The following OR1A1 variants were observed in gnomAD, a reference collection of about 807,000 sequenced individuals.
The protein encoded by OR1A1 is olfactory receptor 1A1.
For synonymous variants in OR1A1, 145 were observed against 147.8 expected, an observed-to-expected ratio of 0.98 and a Z score of 0.13; for missense variants, 391 against 379.9, an observed-to-expected ratio of 1.03 and a Z score of -0.24.
Position 3,208,588 on chromosome 17 carries a change from C to T in OR1A1, c.-549C>T, listed in dbSNP as rs9907868. ...CCTCCTCTGTCCCTGCAGAATTGTTCTCAGCACCACCCCATTCACATGGCT... is the reference window on the plus strand; with the variant it reads ...CCTCCTCTGTCCCTGCAGAATTGTTTTCAGCACCACCCCATTCACATGGCT... On this transcript the variant is annotated 5_prime_UTR_variant, in exon 2 of 4. Transcript: ENST00000641732. 75,503 of 151,916 alleles carry T rather than the reference C, an allele frequency of 0.5. 19,245 individuals are homozygous for T. The highest frequency in any genetic ancestry group is 0.55 in the Middle Eastern group (163 of 294). The allele number at this position is 151,916 out of a possible 1,614,324, so 9.4% of individuals were successfully genotyped here. A position where few individuals can be genotyped will look rare whatever the true frequency, so the allele number is the denominator to read the frequency against.
Position 3,215,949 on chromosome 17 carries a change from C to G in OR1A1, c.329C>G (p.Thr110Arg). The change falls in exon 4 of 4, where the codon ACA becomes AGA. Residue 110 changes from threonine (T) to arginine (R), a missense_variant. By Grantham distance (71) the Thr-to-Arg change is moderately conservative (BLOSUM62 -1). Coordinates refer to ENST00000641732, the MANE Select transcript of OR1A1 (RefSeq NM_014565.3). ...TATTTCATGATAGCCTTGGGTAACA[C>G]AGACAGCTATATTTTGGCTGCAATG... Reference protein sequence around the residue: ...QMYFMIALGNTDSYILAAMAY... With the variant: ...QMYFMIALGNRDSYILAAMAY... 1 of 1,614,186 alleles carries G rather than the reference C, an allele frequency of 6.2e-7. No homozygotes were observed. Among genetic ancestry groups the G allele is most frequent in the Non-Finnish European group, 8.5e-7 (1 of 1,180,034 alleles).
At position 3,218,243 on chromosome 17, in the gene OR1A1, G is replaced by A. The variant is rs1176961846; in HGVS notation, c.*1693G>A. 3 of 152,236 alleles carry A rather than the reference G, an allele frequency of 2.0e-5. No individual in the cohort carries two copies. Among genetic ancestry groups the A allele is most frequent in the Non-Finnish European group, 2.9e-5 (2 of 68,048 alleles). The allele number at this position is 152,236 out of a possible 1,614,324, so 9.4% of individuals were successfully genotyped here. On this transcript the variant is annotated 3_prime_UTR_variant, in exon 4 of 4. Coordinates refer to ENST00000641732, the MANE Select transcript of OR1A1 (RefSeq NM_014565.3). The stretch of plus-strand genomic sequence containing the variant: ...GACACCATCTCATGCCAGTTGGAAT[G>A]GCGATCATTAAAAAGTAAGGAAACA...
At chr17:3,209,929 G>GT (rs370903742) in intron 2 of OR1A1, among the ~76,000 whole-genome samples, 38,006 of 151,840 alleles carry the variant, frequency 0.25, 5,549 homozygotes, top group East Asian at 0.57. Flanking sequence ...ATTATTTTAT[G>GT]GTTAAAATTT....
At chr17:3,215,523 A>C (rs372391810) in intron 3 of OR1A1, 93 bp from the exon 4 acceptor site, 21 of 897,576 alleles carry the variant, frequency 2.3e-5, no homozygotes, top group South Asian at 6.7e-5. Context: ...TACACAGCTG[A>C]ATCACTTAAG....
intron 2 of OR1A1, among the ~76,000 whole-genome samples, chr17:3,210,613 T>G (rs1442570607): frequency 6.6e-6 from 1 of 152,156 alleles, no homozygotes; most frequent in Non-Finnish European, 1.5e-5. Context: ...TGTTGTTGTT[T>G]TTGTTTTTTT....
chr17:3,211,340 ATT>A lies in OR1A1; in HGVS notation c.-138-1116_-138-1115del, dbSNP rs34912689. Among the ~76,000 whole-genome samples, 205 of 148,814 alleles carry A rather than the reference ATT, an allele frequency of 1.4e-3. 1 individual carries two copies. The highest frequency in any genetic ancestry group is 7.0e-3 in the Middle Eastern group (2 of 286). ...CTCTCCTCTTTATTCTCCTAAATGA[ATT>A]TTTTTTTTTTGAGTCAGAATTTTGC... On this transcript the variant is annotated intron_variant, in intron 2 of 3. Coordinates refer to ENST00000641732, the MANE Select transcript of OR1A1 (RefSeq NM_014565.3).
At chr17:3,212,403 T>C (rs2048446861) in intron 2 of OR1A1, 64 bp from the exon 3 acceptor site, 1 of 152,136 alleles carries the variant, frequency 6.6e-6, no homozygotes, top group Admixed American at 6.5e-5. Context: ...GGTATGGTTA[T>C]GTGTTTTGGG....
intron 2 of OR1A1, 116 bp from the exon 3 acceptor site, chr17:3,212,351 T>C (rs929186419): frequency 2.0e-5 from 3 of 152,214 alleles, no homozygotes; most frequent in Non-Finnish European, 4.4e-5. Context: ...CTGAGTTTTA[T>C]TCTTGTTTCT....
intron 2 of OR1A1, among the ~76,000 whole-genome samples, chr17:3,209,435 C>A (rs922044827): frequency 1.3e-5 from 2 of 151,996 alleles, no homozygotes; most frequent in Admixed American, 6.6e-5. Flanking sequence ...CCAACCTGGG[C>A]AACGCAGCAA....
At position 3,216,450 on chromosome 17, in the gene OR1A1, CG is replaced by C. The variant is rs1567526265; in HGVS notation, c.832del (p.Ala278GlnfsTer2). 1.2e-6 allele frequency: 2 copies of C among 1,613,822 alleles called. No homozygotes were observed. The highest frequency in any genetic ancestry group is 2.7e-5 in the African/African-American group (2 of 74,906). Reference protein sequence around the residue: ...LKDAVITVMYTAVTPMLNPFI... With the variant: ...LKDAVITVMYXAVTPMLNPFI... ...GACGCAGTGATCACTGTAATGTACA[CG>C]GCAGTGACCCCAATGTTAAATCCTT... On this transcript the variant is annotated frameshift_variant, in exon 4 of 4. Coordinates refer to ENST00000641732, the MANE Select transcript of OR1A1 (RefSeq NM_014565.3). LOFTEE classifies it high-confidence loss of function.
chr17:3,210,580 C>T lies in OR1A1; in HGVS notation c.-139+1582C>T, dbSNP rs536454407. On this transcript the variant is annotated intron_variant, in intron 2 of 3. Transcript: ENST00000641732. ...AAGTCTTTGGACCATTATCTTCTGCCGTATTGCTGGTCCTTTTTTTGTTGT... is the reference window on the plus strand; with the variant it reads ...AAGTCTTTGGACCATTATCTTCTGCTGTATTGCTGGTCCTTTTTTTGTTGT... 1.6e-3 allele frequency among the ~76,000 whole-genome samples: 238 copies of T among 152,114 alleles called. 1 individual carries two copies. Among genetic ancestry groups the T allele is most frequent in the Non-Finnish European group, 3.0e-3 (202 of 67,986 alleles).
chr17:3,215,657 A>G lies in OR1A1; in HGVS notation c.37A>G (p.Ile13Val), dbSNP rs772848853. ...TAACCAGTCCTCTACACTGGAATTC[A>G]TCCTCCTGGGAGTTACTGGTCAGCA... is the stretch of plus-strand genomic sequence containing the variant. ...ENNQSSTLEFILLGVTGQQEQ... is the reference protein window; with the variant it reads ...ENNQSSTLEFVLLGVTGQQEQ... Residue 13 changes from isoleucine (I) to valine (V), a missense_variant, in exon 4 of 4, where the codon ATC becomes GTC. By Grantham distance (29) the Ile-to-Val change is conservative. Coordinates refer to ENST00000641732, the MANE Select transcript of OR1A1 (RefSeq NM_014565.3). The G allele has an allele frequency of 1.2e-6, 2 of 1,614,066 alleles. No individual in the cohort carries two copies. The highest frequency in any genetic ancestry group is 4.5e-5 in the East Asian group (2 of 44,874).
chr17:3,213,659 C>CTGGGGATACAGGTTCATTCCATCATG (rs2048453481), intron 3 of OR1A1: 2 of 152,062 alleles, frequency 1.3e-5, no homozygotes, highest in Non-Finnish European at 2.9e-5. Context: ...GTGTGGAGTA[C>CTGGGGATACAGGTTCATTCCATCATG]TGGGGATACA....
In OR1A1 at chr17:3,215,618, G is replaced by C. The variant is rs1004914986; in HGVS notation, c.-3G>C. ...TCCTCTCCCCTTTCATGTTAAAGAA[G>C]CCATGAGGGAAAATAACCAGTCCTC... On this transcript the variant is annotated splice_region_variant and 5_prime_UTR_variant, in exon 4 of 4. Coordinates refer to ENST00000641732, the MANE Select transcript of OR1A1 (RefSeq NM_014565.3). 2 of 1,605,058 alleles carry C rather than the reference G, an allele frequency of 1.2e-6. No homozygotes were observed. Among genetic ancestry groups the C allele is most frequent in the Non-Finnish European group, 1.7e-6 (2 of 1,172,852 alleles).
chr17:3,208,189 A>AG (rs2048421531), intron 1 of OR1A1, among the ~76,000 whole-genome samples, 189 bp downstream of exon 1: 5 of 151,032 alleles, frequency 3.3e-5, no homozygotes, highest in East Asian at 2.0e-4. Flanking sequence ...ATAGAGAGAG[A>AG]GAGAGGAGGA....
rs367668641 is a variant in OR1A1, at chr17:3,216,595, T to C, written c.*45T>C. On this transcript the variant is annotated 3_prime_UTR_variant, in exon 4 of 4. Transcript: ENST00000641732. ...TGGATACCGTAGTCACCAGTTACGGTATATTGGAAATCCAGTTCTGATGTC... is the reference window on the plus strand; with the variant it reads ...TGGATACCGTAGTCACCAGTTACGGCATATTGGAAATCCAGTTCTGATGTC... 34 of 1,448,218 alleles carry C rather than the reference T, an allele frequency of 2.3e-5. No individual in the cohort carries two copies. Among genetic ancestry groups the C allele is most frequent in the Non-Finnish European group, 3.1e-5 (33 of 1,061,910 alleles). The allele number at this position is 1,448,218 out of a possible 1,614,324, so 89.7% of individuals were successfully genotyped here. A position where few individuals can be genotyped will look rare whatever the true frequency, so the allele number is the denominator to read the frequency against.
chr17:3,212,988 A>C (rs1355151499), intron 3 of OR1A1: 2 of 152,212 alleles, frequency 1.3e-5, no homozygotes, highest in African/African-American at 2.4e-5. Context: ...ACTGATTAGG[A>C]CTAGATGTGC....
At position 3,215,838 on chromosome 17, in the gene OR1A1, T is replaced by C. The variant is rs1455010628; in HGVS notation, c.218T>C (p.Phe73Ser). The C allele has an allele frequency of 6.2e-7, 1 of 1,614,050 alleles. No individual in the cohort carries two copies. The highest frequency in any genetic ancestry group is 8.5e-7 in the Non-Finnish European group (1 of 1,180,038). ...AACCTCTCCTTGGTTGACATCTTCTTCTCATCGGTAACCATCCCTAAGATG... is the reference window on the plus strand; with the variant it reads ...AACCTCTCCTTGGTTGACATCTTCTCCTCATCGGTAACCATCCCTAAGATG... Reference protein sequence around the residue: ...LANLSLVDIFFSSVTIPKMLA... With the variant: ...LANLSLVDIFSSSVTIPKMLA... Residue 73 changes from phenylalanine (F) to serine (S), a missense_variant, in exon 4 of 4, where the codon TTC becomes TCC. Transcript: ENST00000641732.
At chr17:3,215,493 A>C in intron 3 of OR1A1, 123 bp from the exon 4 acceptor site, 1 of 694,106 alleles carries the variant, frequency 1.4e-6, no homozygotes, top group Non-Finnish European at 2.4e-6. Flanking sequence ...TATCTCTATA[A>C]TTTAATAAAC....
Sources: allele counts gnomAD v4.1 joint callset (sites outside exome capture counted in the v4.1 genomes callset), GRCh38; gene constraint gnomAD v4.1.1; transcripts MANE v1.5; gene names NCBI Gene and HGNC (gene_info 2026-07-23, HGNC 2026-07-21).